ARL15: variants seen among roughly 807,000 people sequenced by gnomAD.
The protein encoded by ARL15 is ARF like GTPase 15.
A neutral mutation model predicts 25.2 loss-of-function variants in ARL15; 19 were observed. That is an observed-to-expected ratio of 0.75 (90% CI 0.53 to 1.10). The LOEUF (loss-of-function observed/expected upper bound fraction) is 1.10, where lower values mean the gene tolerates loss of function less well. Ranked by LOEUF, ARL15 falls within the 50% of genes least tolerant of loss-of-function variation. The probability of loss-of-function intolerance (pLI) is 0.00; values close to 1 mark genes in which losing one functional copy is unlikely to be tolerated. For missense variants in ARL15, 220 were observed against 246.0 expected (o/e 0.89, Z 0.71); for synonymous variants, 94 against 86.8 (o/e 1.08, Z -0.46).
intron 4 of ARL15, among the ~76,000 whole-genome samples, chr5:53,951,790 C>G (rs1746973678): frequency 6.6e-6 from 1 of 150,800 alleles, no homozygotes; most frequent in East Asian, 1.9e-4. Flanking sequence ...CCAGTTTCTT[C>G]CTTACCAGCT....
intron 4 of ARL15, among the ~76,000 whole-genome samples, chr5:54,102,688 C>G (rs1245393454): frequency 1.3e-5 from 2 of 152,134 alleles, no homozygotes; most frequent in African/African-American, 4.8e-5. Context: ...CTGACAAGCT[C>G]TTATTTTCAT....
intron 3 of ARL15, among the ~76,000 whole-genome samples, chr5:54,146,611 G>A (rs1233276584): frequency 6.6e-6 from 1 of 152,098 alleles, no homozygotes; most frequent in Non-Finnish European, 1.5e-5. Context: ...CCCTTGTGAG[G>A]GATAGGAAGT....
chr5:53,902,083 A>C (rs945679836), intron 4 of ARL15, among the ~76,000 whole-genome samples: 5 of 152,256 alleles, frequency 3.3e-5, no homozygotes, highest in South Asian at 2.1e-4. Flanking sequence ...ACTTAACGTT[A>C]GCTGACAAAT....
intron 4 of ARL15, among the ~76,000 whole-genome samples, chr5:54,075,073 G>GAAAGAAAAAA (rs1751551633): frequency 1.6e-5 from 1 of 63,926 alleles, no homozygotes; most frequent in Non-Finnish European, 2.8e-5. Flanking sequence ...CAGAATACAG[G>GAAAGAAAAAA]AAAAAAAAAA....
At chr5:54,282,096 TACTC>T (rs1437510730) in intron 1 of ARL15, among the ~76,000 whole-genome samples, 3 of 152,236 alleles carry the variant, frequency 2.0e-5, no homozygotes, top group African/African-American at 2.4e-5. Context: ...GGAGTAGAAT[TACTC>T]AGTCACAAGA....
intron 1 of ARL15, among the ~76,000 whole-genome samples, chr5:54,309,307 C>G (rs1253942699): frequency 6.6e-6 from 1 of 152,244 alleles, no homozygotes; most frequent in Non-Finnish European, 1.5e-5. Flanking sequence ...TTAGGAGAAA[C>G]ATTTTCTTTA....
At position 54,118,086 on chromosome 5, in the gene ARL15, A is replaced by G. The variant is rs186389949; in HGVS notation, c.254-4676T>C. ...AAAAAAATACATTCAAAGTACAAGA[A>G]AGACCAATGCAAGTTAATTAACTGA... On this transcript the variant is annotated intron_variant, in intron 3 of 4. Coordinates refer to ENST00000504924, the MANE Select transcript of ARL15 (RefSeq NM_019087.3). Among the ~76,000 whole-genome samples, 376 of 152,344 alleles carry G rather than the reference A, an allele frequency of 2.5e-3. 2 individuals are homozygous for G. The highest frequency in any genetic ancestry group is 8.2e-3 in the Admixed American group (125 of 15,304).
At chr5:54,067,636 G>T (rs1751282781) in intron 4 of ARL15, among the ~76,000 whole-genome samples, 2 of 152,156 alleles carry the variant, frequency 1.3e-5, no homozygotes, top group Admixed American at 1.3e-4. Context: ...AAACGCAAGT[G>T]CTCTTTTACT....
chr5:54,247,017 G>A (rs887736469), intron 1 of ARL15, among the ~76,000 whole-genome samples: 7 of 151,990 alleles, frequency 4.6e-5, no homozygotes, highest in Non-Finnish European at 4.4e-5. Context: ...AGCAAAGACT[G>A]TATAAATGTA....
chr5:54,211,173 T>G (rs951524527), intron 1 of ARL15, among the ~76,000 whole-genome samples: 1 of 152,180 alleles, frequency 6.6e-6, no homozygotes, highest in African/African-American at 2.4e-5. Context: ...TTGTTTGGTA[T>G]GCACAAAGTA....
At chr5:53,904,713 A>C (rs1425675506) in intron 4 of ARL15, among the ~76,000 whole-genome samples, 1 of 151,224 alleles carries the variant, frequency 6.6e-6, no homozygotes, top group Non-Finnish European at 1.5e-5. Flanking sequence ...TGTTTAAATT[A>C]AAATAAATTA....
chr5:54,114,267 G>A (rs529900551), intron 3 of ARL15, among the ~76,000 whole-genome samples: 27 of 151,706 alleles, frequency 1.8e-4, no homozygotes, highest in African/African-American at 6.0e-4. Flanking sequence ...GCGTGGCGGC[G>A]GGTGCCTGTA....
intron 4 of ARL15, among the ~76,000 whole-genome samples, chr5:53,902,629 G>A (rs1403974306): frequency 2.0e-5 from 3 of 152,118 alleles, no homozygotes; most frequent in South Asian, 2.1e-4. Context: ...TCCTAACAAC[G>A]ACAACATTTA....
At chr5:54,050,902 A>G (rs1750684949) in intron 4 of ARL15, among the ~76,000 whole-genome samples, 1 of 152,140 alleles carries the variant, frequency 6.6e-6, no homozygotes, top group Non-Finnish European at 1.5e-5. Context: ...AACTTTCTAA[A>G]TTATGAATAT....
intron 3 of ARL15, among the ~76,000 whole-genome samples, chr5:54,129,308 A>G (rs1020494075): frequency 6.6e-6 from 1 of 152,164 alleles, no homozygotes; most frequent in Admixed American, 6.5e-5. Flanking sequence ...ACATTCTAAA[A>G]AGTCCCTCAG....
At chr5:54,182,430 C>T (rs1755087165) in intron 1 of ARL15, among the ~76,000 whole-genome samples, 1 of 150,420 alleles carries the variant, frequency 6.6e-6, no homozygotes, top group Admixed American at 6.7e-5. Flanking sequence ...GCCTGTTTTT[C>T]TCAGGTTTGT....
chr5:54,091,332 C>T (rs534646715), intron 4 of ARL15, among the ~76,000 whole-genome samples: 1 of 152,110 alleles, frequency 6.6e-6, no homozygotes, highest in Non-Finnish European at 1.5e-5. Context: ...TATTCAAATT[C>T]CATAGTTATA....
intron 4 of ARL15, among the ~76,000 whole-genome samples, chr5:54,008,963 A>T (rs1366645492): frequency 6.6e-6 from 1 of 152,232 alleles, no homozygotes; most frequent in Non-Finnish European, 1.5e-5. Context: ...AGAACTAGAC[A>T]CTAGAAATTA....
intron 2 of ARL15, among the ~76,000 whole-genome samples, chr5:54,157,118 A>C (rs1414719307): frequency 6.6e-6 from 1 of 151,938 alleles, no homozygotes; most frequent in Non-Finnish European, 1.5e-5. Flanking sequence ...TTTCTAGAGA[A>C]GTAAGACAGG....
Sources: gnomAD v4.1 joint callset for allele counts (sites outside exome capture counted in the v4.1 genomes callset) on GRCh38, gnomAD v4.1.1 for gene constraint, MANE v1.5 for transcripts, NCBI Gene and HGNC (gene_info 2026-07-23, HGNC 2026-07-21) for gene names.